SCHIP1: variants seen among roughly 807,000 people sequenced by gnomAD.
The protein encoded by SCHIP1 is schwannomin interacting protein 1.
Under a neutral mutation model 29.7 loss-of-function variants are expected in SCHIP1, and 8 were observed. The ratio of observed to expected loss-of-function variants is 0.27; its 90% CI spans 0.16 to 0.49. The LOEUF is 0.49. Among genes scored for constraint, SCHIP1 ranks in the 20% least tolerant of loss-of-function variants. The pLI is 0.99. For missense variants in SCHIP1, 193 were observed against 294.6 expected (o/e 0.66, Z 2.52); for synonymous variants, 76 against 94.9 (o/e 0.80, Z 1.16).
chr3:159,814,896 A>G, the SCHIP1 span, among the ~76,000 whole-genome samples: 5 of 152,188 alleles, frequency 3.3e-5, no homozygotes, highest in African/African-American at 2.4e-5. Flanking sequence ...CATGAGTGTC[A>G]TGCGACAGGA....
the SCHIP1 span, among the ~76,000 whole-genome samples, chr3:159,403,835 C>G: frequency 6.6e-6 from 1 of 152,284 alleles, no homozygotes; most frequent in South Asian, 2.1e-4. Context: ...CTCTCTCAAC[C>G]CTAGGCAGCA....
the SCHIP1 span, among the ~76,000 whole-genome samples, chr3:159,411,944 C>G: frequency 6.6e-6 from 1 of 152,126 alleles, no homozygotes; most frequent in South Asian, 2.1e-4. Flanking sequence ...AGAGCAAAAT[C>G]AGGCCATGAA....
the SCHIP1 span, among the ~76,000 whole-genome samples, chr3:159,599,940 G>A: frequency 6.6e-6 from 1 of 152,130 alleles, no homozygotes; most frequent in African/African-American, 2.4e-5. Context: ...TTTCTTGTCT[G>A]GAAGACTATT....
chr3:159,495,878 C>A, the SCHIP1 span, among the ~76,000 whole-genome samples: 36 of 152,194 alleles, frequency 2.4e-4, no homozygotes, highest in African/African-American at 7.0e-4. Flanking sequence ...AGTAACCAAA[C>A]CAGCATGGTA....
intron 1 of SCHIP1, among the ~76,000 whole-genome samples, chr3:159,848,853 G>A (rs2109080775): frequency 6.6e-6 from 1 of 152,178 alleles, no homozygotes; most frequent in Admixed American, 6.5e-5. Context: ...ATTTTAAGCT[G>A]GCACAAGCTA....
At chr3:159,400,252 T>A in the SCHIP1 span, among the ~76,000 whole-genome samples, 2 of 152,236 alleles carry the variant, frequency 1.3e-5, no homozygotes, top group African/African-American at 4.8e-5. Flanking sequence ...ATGATGCACA[T>A]GATTGTTACT....
chr3:159,433,826 A>G, the SCHIP1 span, among the ~76,000 whole-genome samples: 1 of 152,200 alleles, frequency 6.6e-6, no homozygotes, highest in Non-Finnish European at 1.5e-5. Context: ...ATTATTACTA[A>G]GAATAGTTGT....
chr3:159,612,230 C>A, the SCHIP1 span, among the ~76,000 whole-genome samples: 1,179 of 151,730 alleles, frequency 7.8e-3, 12 homozygotes, highest in African/African-American at 0.027. Context: ...ATATCAATGA[C>A]AAAAATGAAT....
the SCHIP1 span, among the ~76,000 whole-genome samples, chr3:159,295,847 CA>C: frequency 2.6e-5 from 4 of 152,156 alleles, no homozygotes; most frequent in Non-Finnish European, 4.4e-5. Context: ...ATGGATATTC[CA>C]TAAATTTTTT....
the SCHIP1 span, among the ~76,000 whole-genome samples, chr3:159,636,342 C>T: frequency 6.6e-6 from 1 of 152,156 alleles, no homozygotes; most frequent in Admixed American, 6.5e-5. Flanking sequence ...GCCACCGCAC[C>T]CAGCCTAATT....
chr3:159,303,675 T>G, the SCHIP1 span, among the ~76,000 whole-genome samples: 1 of 151,996 alleles, frequency 6.6e-6, no homozygotes, highest in South Asian at 2.1e-4. Flanking sequence ...CTTGAGCTGT[T>G]TTAGGAAATC....
intron 1 of SCHIP1, among the ~76,000 whole-genome samples, chr3:159,850,559 A>G (rs1424655247): frequency 6.7e-6 from 1 of 148,508 alleles, no homozygotes; most frequent in African/African-American, 2.5e-5. Flanking sequence ...AAAAAAAAAA[A>G]AAAAAAAGGA....
chr3:159,508,925 T>C, the SCHIP1 span, among the ~76,000 whole-genome samples: 71 of 152,362 alleles, frequency 4.7e-4, no homozygotes, highest in Non-Finnish European at 7.5e-4. Context: ...AGTGTGGTGC[T>C]AAGAAGAATG....
chr3:159,761,242 AAT>A, the SCHIP1 span, among the ~76,000 whole-genome samples: 1 of 152,188 alleles, frequency 6.6e-6, no homozygotes, highest in Non-Finnish European at 1.5e-5. Flanking sequence ...AAACTTTAGT[AAT>A]TTCAGGACAC....
chr3:159,392,119 C>T, the SCHIP1 span, among the ~76,000 whole-genome samples: 2 of 152,090 alleles, frequency 1.3e-5, no homozygotes, highest in African/African-American at 4.8e-5. Context: ...GGAAGCACCT[C>T]AGAGTTGGCA....
chr3:159,729,872 A>G, the SCHIP1 span, among the ~76,000 whole-genome samples: 12 of 152,208 alleles, frequency 7.9e-5, no homozygotes, highest in African/African-American at 1.4e-4. Context: ...ATGTACATCA[A>G]TAAGACACTG....
the SCHIP1 span, among the ~76,000 whole-genome samples, chr3:159,453,713 C>T: frequency 6.7e-3 from 1,014 of 152,290 alleles, 8 homozygotes; most frequent in Non-Finnish European, 8.4e-3. Flanking sequence ...GGAGGTTCCA[C>T]CTGGATTTCT....
At chr3:159,715,005 A>C in the SCHIP1 span, among the ~76,000 whole-genome samples, 1 of 152,236 alleles carries the variant, frequency 6.6e-6, no homozygotes, top group Non-Finnish European at 1.5e-5. Flanking sequence ...GTAGGGGATG[A>C]CTGACACCTC....
At chr3:159,391,647 G>C in the SCHIP1 span, among the ~76,000 whole-genome samples, 9 of 152,160 alleles carry the variant, frequency 5.9e-5, no homozygotes, top group Non-Finnish European at 2.9e-5. Context: ...GAATCAATGA[G>C]CACATAGAAA....
Sources: gnomAD v4.1 joint callset for allele counts (sites outside exome capture counted in the v4.1 genomes callset) on GRCh38, gnomAD v4.1.1 for gene constraint, MANE v1.5 for transcripts, NCBI Gene and HGNC (gene_info 2026-07-23, HGNC 2026-07-21) for gene names.